The following C11orf65 variants were observed in gnomAD, a reference collection of about 807,000 sequenced individuals.
C11orf65 encodes the protein chromosome 11 open reading frame 65, also known as protein MFI.
Under a neutral mutation model 35.3 loss-of-function variants are expected in C11orf65, and 38 were observed. The observed-to-expected ratio is 1.08, with a 90% CI of 0.83 to 1.41. C11orf65 has a LOEUF of 1.41. Among genes scored for constraint, C11orf65 ranks in the 40% most tolerant of loss-of-function variants. C11orf65 has a pLI of 0.00. For synonymous variants in C11orf65, 105 were observed against 114.4 expected, an observed-to-expected ratio of 0.92 and a Z score of 0.53; for missense variants, 370 against 367.1, an observed-to-expected ratio of 1.01 and a Z score of -0.06.
upstream of C11orf65, among the ~76,000 whole-genome samples, chr11:108,469,765 T>C (rs2093564743): frequency 6.6e-6 from 1 of 152,034 alleles, no homozygotes; most frequent in African/African-American, 2.4e-5. Context: ...CAAGGGATCA[T>C]TAAGACTAGA....
chr11:108,365,594 A>C, intron 2 of C11orf65: 1 of 1,456,356 alleles, frequency 6.9e-7, no homozygotes. Flanking sequence ...TACTTTAAGT[A>C]GGGATTAATA....
intron 2 of C11orf65, among the ~76,000 whole-genome samples, chr11:108,442,825 G>A (rs1199701963): frequency 6.6e-6 from 1 of 152,122 alleles, no homozygotes; most frequent in Non-Finnish European, 1.5e-5. Flanking sequence ...CCTGAAGGAA[G>A]CACTAAACAT....
chr11:108,443,663 A>C (rs867661190), intron 2 of C11orf65, among the ~76,000 whole-genome samples: 13 of 152,084 alleles, frequency 8.5e-5, no homozygotes, highest in Non-Finnish European at 1.2e-4. Flanking sequence ...GGATTAAGAA[A>C]CTCACTCAAA....
At chr11:108,402,128 T>C (rs12293442) in intron 6 of C11orf65, among the ~76,000 whole-genome samples, 8,253 of 152,208 alleles carry the variant, frequency 0.054, 730 homozygotes, top group African/African-American at 0.18. Context: ...ACAAATCTCA[T>C]TGTGAGCTAA....
intron 3 of C11orf65, among the ~76,000 whole-genome samples, chr11:108,333,705 A>T (rs534603259): frequency 6.6e-6 from 1 of 152,284 alleles, no homozygotes; most frequent in East Asian, 1.9e-4. Context: ...TACATTAACC[A>T]CTGTTGAGCT....
In C11orf65 at chr11:108,427,339, C is replaced by CA. The variant is rs571933041; in HGVS notation, c.174+4406dup. On this transcript the variant is annotated intron_variant, in intron 3 of 8. Coordinates refer to ENST00000393084, the MANE Select transcript of C11orf65 (RefSeq NM_152587.5). ...TCTATAAGGAACTTAAACAAATTTACAAAAAAAAAAAAACCCCACCAAAAA... is the reference window on the plus strand; with the variant it reads ...TCTATAAGGAACTTAAACAAATTTACAAAAAAAAAAAAAACCCCACCAAAAA... Among the ~76,000 whole-genome samples the CA allele has an allele frequency of 4.3e-3, 476 of 110,850 alleles. 3 individuals carry two copies. Among genetic ancestry groups the CA allele is most frequent in the East Asian group, 0.029 (113 of 3,954 alleles). 72.7% of individuals were successfully genotyped at this position (110,850 alleles called of 152,430 possible).
At chr11:108,325,883 G>C in intron 6 of C11orf65, among the ~76,000 whole-genome samples, 1 of 152,190 alleles carries the variant, frequency 6.6e-6, no homozygotes, top group Non-Finnish European at 1.5e-5. Context: ...CAGACAGACA[G>C]ATAGGCAGAC....
intron 2 of C11orf65, among the ~76,000 whole-genome samples, chr11:108,446,549 G>A (rs946496363): frequency 6.6e-6 from 1 of 151,812 alleles, no homozygotes; most frequent in African/African-American, 2.4e-5. Context: ...ATCAGTGAAG[G>A]AGAAATAAAA....
At chr11:108,359,350 G>C (rs2090427599) in intron 2 of C11orf65, among the ~76,000 whole-genome samples, 1 of 151,962 alleles carries the variant, frequency 6.6e-6, no homozygotes, top group Non-Finnish European at 1.5e-5. Context: ...AATAATGGGA[G>C]ACTTTAACAC....
chr11:108,452,472 A>G (rs1362720198), intron 2 of C11orf65, among the ~76,000 whole-genome samples: 1 of 152,210 alleles, frequency 6.6e-6, no homozygotes, highest in African/African-American at 2.4e-5. Context: ...ACCAGTAAGA[A>G]TGGGAATCAC....
intron 3 of C11orf65, chr11:108,331,864 G>C (rs773603597): frequency 2.5e-6 from 4 of 1,612,098 alleles, no homozygotes; most frequent in Non-Finnish European, 3.4e-6. Flanking sequence ...AAATCTAATA[G>C]TTCTTTTCTT....
At chr11:108,441,184 G>T (rs1047018535) in intron 2 of C11orf65, among the ~76,000 whole-genome samples, 2 of 152,200 alleles carry the variant, frequency 1.3e-5, no homozygotes, top group Admixed American at 6.5e-5. Context: ...TCCTGCACCT[G>T]GCTCAGAGGG....
chr11:108,463,235 CTAA>C (rs1244138828), intron 1 of C11orf65, among the ~76,000 whole-genome samples: 1 of 131,120 alleles, frequency 7.6e-6, no homozygotes, highest in Non-Finnish European at 1.7e-5. Context: ...CATACATCTA[CTAA>C]TGTTTAGAAA....
At chr11:108,418,301 T>C (rs2092769353) in intron 3 of C11orf65, among the ~76,000 whole-genome samples, 1 of 152,050 alleles carries the variant, frequency 6.6e-6, no homozygotes, top group South Asian at 2.1e-4. Flanking sequence ...CTAAAAAATA[T>C]ATATTCTTTT....
intron 2 of C11orf65, among the ~76,000 whole-genome samples, chr11:108,343,043 T>C (rs932994269): frequency 2.6e-5 from 4 of 152,188 alleles, no homozygotes; most frequent in African/African-American, 4.8e-5. Flanking sequence ...AAAATTATAT[T>C]CTTTGAGCTT....
At chr11:108,373,831 G>A (rs1004484427) in intron 2 of C11orf65, among the ~76,000 whole-genome samples, 3 of 152,218 alleles carry the variant, frequency 2.0e-5, no homozygotes, top group East Asian at 1.9e-4. Flanking sequence ...CGAATACTGC[G>A]CTTTTCCGAC....
chr11:108,427,678 C>T (rs1341729540), intron 3 of C11orf65, among the ~76,000 whole-genome samples: 6 of 114,434 alleles, frequency 5.2e-5, no homozygotes, highest in Non-Finnish European at 1.0e-4. Context: ...GTTGAGATCG[C>T]GCCACTGCAC....
chr11:108,432,014 T>G (rs1332238080), intron 2 of C11orf65, among the ~76,000 whole-genome samples, 176 bp from the exon 3 acceptor site: 1 of 152,196 alleles, frequency 6.6e-6, no homozygotes, highest in Non-Finnish European at 1.5e-5. Flanking sequence ...CTAGTAGTAT[T>G]AGTATAATTC....
intron 2 of C11orf65, among the ~76,000 whole-genome samples, chr11:108,358,266 G>A (rs2090270880): frequency 6.7e-6 from 1 of 148,376 alleles, no homozygotes; most frequent in Non-Finnish European, 1.5e-5. Context: ...AAAGAAATGA[G>A]CAAAGCCTCC....
Sources: gnomAD v4.1 joint callset for allele counts (sites outside exome capture counted in the v4.1 genomes callset) on GRCh38, gnomAD v4.1.1 for gene constraint, MANE v1.5 for transcripts, NCBI Gene and HGNC (gene_info 2026-07-23, HGNC 2026-07-21) for gene names.